The following CEP128 variants were observed in gnomAD, a reference collection of about 807,000 sequenced individuals.
The protein encoded by CEP128 is centrosomal protein 128kDa.
In CEP128, 132 loss-of-function variants were observed where a neutral mutation model predicts 156.7. The ratio of observed to expected loss-of-function variants is 0.84; its 90% CI spans 0.73 to 0.97. The LOEUF is 0.97. Ranked by LOEUF, CEP128 falls within the 50% of genes least tolerant of loss-of-function variation. The pLI, the probability that CEP128 is intolerant of heterozygous loss-of-function variation, is 0.00. For missense variants in CEP128, 1,252 were observed against 1,281.9 expected, an observed-to-expected ratio of 0.98 and a Z score of 0.36; for synonymous variants, 469 against 448.9, an observed-to-expected ratio of 1.04 and a Z score of -0.57.
At chr14:80,905,756 A>G (rs1883850188) in intron 5 of CEP128, 199 bp downstream of exon 5, 5 of 248,612 alleles carry the variant, frequency 2.0e-5, no homozygotes, top group African/African-American at 6.8e-5. Flanking sequence ...AGAGTTTGAG[A>G]AAAAAAAAAA....
At position 80,497,485 on chromosome 14, in the gene CEP128, C is replaced by T. The variant is rs1353063522; in HGVS notation, c.3279G>A (p.Gly1093=). 3.7e-6 allele frequency: 6 copies of T among 1,602,552 alleles called. No individual in the cohort carries two copies. In the African/African-American group the frequency reaches 5.3e-5, roughly 14 times the overall value. Residue 1093 remains glycine, a synonymous_variant, in exon 25 of 25, where the codon GGG becomes GGA. Transcript: ENST00000555265. ...TSSQPKKEEY[G]S is the part of the protein sequence containing the mutation. ...ACAAATTACATTTGCTTTTTTAGCT[C>T]CCATATTCCTCTTTTTTGGGTTGTG...
chr14:80,792,375 T>C (rs571618526), intron 14 of CEP128, among the ~76,000 whole-genome samples: 1 of 152,276 alleles, frequency 6.6e-6, no homozygotes, highest in South Asian at 2.1e-4. Flanking sequence ...TGAAAATATA[T>C]AAATAAATGA....
chr14:80,800,594 C>T (rs914007121), intron 13 of CEP128, among the ~76,000 whole-genome samples: 1 of 152,106 alleles, frequency 6.6e-6, no homozygotes, highest in Admixed American at 6.6e-5. Context: ...ACTAAGTTGC[C>T]ATGTTCCTTC....
intron 19 of CEP128, among the ~76,000 whole-genome samples, chr14:80,600,853 CAA>C (rs1440331061): frequency 6.7e-6 from 1 of 148,750 alleles, no homozygotes; most frequent in Non-Finnish European, 1.5e-5. Flanking sequence ...ATCTGTATCA[CAA>C]TAACAATACA....
chr14:80,777,893 G>T lies in CEP128; in HGVS notation c.2365C>A (p.Leu789Ile). ...ACTCATATTTTTACCCTTTCTTCTA[G>T]TTGATCCTTCAAACATTGATATTTT... ...KLKYQCLKDQ[L>I]EEREKHISIE... The change falls in exon 16 of 25, where the codon CTA (leucine) becomes ATA (isoleucine). Residue 789 changes from leucine (L) to isoleucine (I), a missense_variant. Transcript: ENST00000555265. The T allele has an allele frequency of 6.2e-7, 1 of 1,603,302 alleles. No individual in the cohort carries two copies. Among genetic ancestry groups the T allele is most frequent in the East Asian group, 2.2e-5 (1 of 44,740 alleles).
chr14:80,951,261 G>T (rs1160092954), intron 2 of CEP128, among the ~76,000 whole-genome samples: 19 of 152,056 alleles, frequency 1.2e-4, no homozygotes, highest in Non-Finnish European at 2.6e-4. Context: ...CTTATTATTT[G>T]AATCCCTTTA....
chr14:80,499,890 T>C (rs530398823), intron 24 of CEP128, among the ~76,000 whole-genome samples: 1 of 152,338 alleles, frequency 6.6e-6, no homozygotes, highest in South Asian at 2.1e-4. Context: ...GCCCCCACTG[T>C]CTACAGGCTG....
intron 17 of CEP128, among the ~76,000 whole-genome samples, chr14:80,760,454 A>T (rs1899903517): frequency 6.6e-6 from 1 of 152,104 alleles, no homozygotes; most frequent in Admixed American, 6.5e-5. Context: ...GAGCAAGAAA[A>T]AAGAGGGGAA....
intron 19 of CEP128, among the ~76,000 whole-genome samples, chr14:80,588,011 G>C (rs796415737): frequency 6.6e-6 from 1 of 152,050 alleles, no homozygotes; most frequent in Non-Finnish European, 1.5e-5. Flanking sequence ...CTGGGTATTT[G>C]ACTTACTCTT....
chr14:80,844,228 C>A (rs553540265), intron 9 of CEP128, among the ~76,000 whole-genome samples: 1 of 151,910 alleles, frequency 6.6e-6, no homozygotes, highest in East Asian at 1.9e-4. Flanking sequence ...CATTCTAAAT[C>A]CCTGAACCAA....
At chr14:80,643,833 T>C (rs902165734) in intron 19 of CEP128, among the ~76,000 whole-genome samples, 2 of 152,146 alleles carry the variant, frequency 1.3e-5, no homozygotes, top group African/African-American at 4.8e-5. Flanking sequence ...GATCAGATAG[T>C]TCAGCTCACA....
intron 13 of CEP128, among the ~76,000 whole-genome samples, chr14:80,809,495 C>G (rs535171708): frequency 6.4e-4 from 97 of 152,190 alleles, no homozygotes; most frequent in African/African-American, 2.2e-3. Flanking sequence ...ATTTAGACAA[C>G]AAGATACAGA....
intron 19 of CEP128, among the ~76,000 whole-genome samples, chr14:80,638,260 T>G (rs1451142262): frequency 2.0e-5 from 3 of 152,202 alleles, no homozygotes; most frequent in Admixed American, 2.0e-4. Flanking sequence ...TAAAGCATTC[T>G]CTGAATACTT....
chr14:80,828,085 T>G (rs995660278), intron 13 of CEP128, among the ~76,000 whole-genome samples: 1 of 151,962 alleles, frequency 6.6e-6, no homozygotes, highest in African/African-American at 2.4e-5. Context: ...CCTGAGTCTC[T>G]TTTTCTACTT....
At chr14:80,905,295 A>G (rs750027183) in intron 5 of CEP128, among the ~76,000 whole-genome samples, 16 of 152,164 alleles carry the variant, frequency 1.1e-4, no homozygotes, top group Admixed American at 2.6e-4. Context: ...TTCAAACTAC[A>G]TAGTCTACAA....
chr14:80,531,112 A>C (rs946212572), intron 21 of CEP128: 1 of 245,694 alleles, frequency 4.1e-6, no homozygotes, highest in Non-Finnish European at 7.8e-6. Flanking sequence ...TGCAAGACTG[A>C]CTCAGATACA....
chr14:80,594,035 C>A (rs1892206006), intron 19 of CEP128, among the ~76,000 whole-genome samples: 2 of 152,112 alleles, frequency 1.3e-5, no homozygotes, highest in Non-Finnish European at 2.9e-5. Context: ...GCAAAAAGAA[C>A]AAAGTGGGAG....
rs753148123 is a variant in CEP128 at position 80,576,624 on chromosome 14, C to CGTGTGT, written c.2856+3744_2856+3749dup. 2.6e-3 allele frequency among the ~76,000 whole-genome samples: 297 copies of CGTGTGT among 112,774 alleles called. 2 individuals are homozygous for CGTGTGT. The highest frequency in any genetic ancestry group is 0.017 in the East Asian group (49 of 2,902). The allele number at this position is 112,774 out of a possible 152,430, so 74.0% of individuals were successfully genotyped here. A position where few individuals can be genotyped will look rare whatever the true frequency, so the allele number is the denominator to read the frequency against. On this transcript the variant is annotated intron_variant, in intron 20 of 24. Coordinates refer to ENST00000555265, the MANE Select transcript of CEP128 (RefSeq NM_152446.5). ...TACCACTCATGTGAAATTACTCCGG[C>CGTGTGT]GTGTGTGTGTGTGTGTGTGTGTGTG... is the stretch of plus-strand genomic sequence containing the variant.
chr14:80,888,957 A>G (rs1249897364), intron 8 of CEP128, among the ~76,000 whole-genome samples: 1 of 152,224 alleles, frequency 6.6e-6, no homozygotes, highest in Non-Finnish European at 1.5e-5. Flanking sequence ...TCAATGGGCA[A>G]AAATCACAAG....
Sources: allele counts gnomAD v4.1 joint callset (sites outside exome capture counted in the v4.1 genomes callset), GRCh38; gene constraint gnomAD v4.1.1; transcripts MANE v1.5; gene names NCBI Gene and HGNC (gene_info 2026-07-23, HGNC 2026-07-21).